TRIQK: variants seen among roughly 807,000 people sequenced by gnomAD.
The protein encoded by TRIQK is triple QxxK/R motif-containing protein.
TRIQK carries 10 observed loss-of-function variants against 10.8 expected under a neutral mutation model. The ratio of observed to expected loss-of-function variants is 0.92; its 90% CI spans 0.57 to 1.57. The LOEUF (loss-of-function observed/expected upper bound fraction) is 1.57, where lower values mean the gene tolerates loss of function less well. TRIQK is among the 40% of genes most tolerant of loss of function. The pLI is 0.00. For missense variants in TRIQK, 107 were observed against 97.7 expected (o/e 1.09, Z -0.40); for synonymous variants, 33 against 33.7 (o/e 0.98, Z 0.07).
chr8:92,946,275 CT>C (rs1480872740), intron 2 of TRIQK, among the ~76,000 whole-genome samples: 2 of 152,222 alleles, frequency 1.3e-5, no homozygotes, highest in East Asian at 3.9e-4. Context: ...ATCTCCCCCC[CT>C]AAATATGGAA....
At chr8:92,994,554 T>G (rs1200430918) in intron 1 of TRIQK, among the ~76,000 whole-genome samples, 2 of 152,094 alleles carry the variant, frequency 1.3e-5, no homozygotes, top group African/African-American at 2.4e-5. Flanking sequence ...TTTTTATGTA[T>G]GCTTACCACT....
chr8:92,991,774 T>C (rs1364207615), intron 1 of TRIQK, among the ~76,000 whole-genome samples: 1 of 152,130 alleles, frequency 6.6e-6, no homozygotes, highest in Non-Finnish European at 1.5e-5. Flanking sequence ...CAGCCCACAT[T>C]CTCCTTAAGC....
chr8:93,009,673 G>T (rs1375976080), intron 1 of TRIQK, among the ~76,000 whole-genome samples: 1 of 151,890 alleles, frequency 6.6e-6, no homozygotes, highest in Non-Finnish European at 1.5e-5. Context: ...CCTTACACAG[G>T]CTATTCAGAA....
chr8:92,886,978 G>T, intron 4 of TRIQK: 2 of 254,376 alleles, frequency 7.9e-6, no homozygotes, highest in Non-Finnish European at 7.4e-6. Context: ...TAGCTAATTT[G>T]TTTTTTCCTT....
At chr8:92,972,075 A>T (rs992276323) in intron 1 of TRIQK, among the ~76,000 whole-genome samples, 1 of 152,298 alleles carries the variant, frequency 6.6e-6, no homozygotes, top group East Asian at 1.9e-4. Context: ...TGATATTAAT[A>T]ATCTTAGATT....
At chr8:92,893,550 G>GA (rs1273983796) in intron 3 of TRIQK, among the ~76,000 whole-genome samples, 1 of 151,850 alleles carries the variant, frequency 6.6e-6, no homozygotes, top group African/African-American at 2.4e-5. Context: ...AAATACATGA[G>GA]AAAAATGTTA....
intron 1 of TRIQK, among the ~76,000 whole-genome samples, chr8:92,981,228 T>A (rs983040348): frequency 1.3e-5 from 2 of 151,866 alleles, no homozygotes; most frequent in African/African-American, 4.8e-5. Flanking sequence ...AGCCTGTTCG[T>A]GAGGTCTGTT....
chr8:93,015,463 T>C (rs1165762113), intron 1 of TRIQK, among the ~76,000 whole-genome samples: 2 of 151,642 alleles, frequency 1.3e-5, no homozygotes, highest in Non-Finnish European at 2.9e-5. Flanking sequence ...ATAAGCTTTT[T>C]TTTTTTTTTG....
Position 93,004,410 on chromosome 8 carries a change from C to T in TRIQK, c.-181+13199G>A, listed in dbSNP as rs189640059. ...AGAGCACAGCCTTGGGCTTGGCCCA[C>T]GAAACAATGTTTCCCTCCTAGGCCT... On this transcript the variant is annotated intron_variant, in intron 1 of 4. Coordinates refer to the TRIQK transcript ENST00000520686. 2.1e-4 allele frequency among the ~76,000 whole-genome samples: 32 copies of T among 152,314 alleles called. 2 individuals carry two copies. Among genetic ancestry groups the T allele is most frequent in the South Asian group, 1.7e-3 (8 of 4,824 alleles).
chr8:92,928,792 T>C (rs1277098459), intron 2 of TRIQK, among the ~76,000 whole-genome samples: 1 of 152,176 alleles, frequency 6.6e-6, no homozygotes, highest in African/African-American at 2.4e-5. Context: ...ACGTTTCTAA[T>C]GATCCCCTGA....
intron 2 of TRIQK, among the ~76,000 whole-genome samples, chr8:92,936,821 T>C (rs912827552): frequency 2.0e-5 from 3 of 151,692 alleles, no homozygotes; most frequent in African/African-American, 7.2e-5. Context: ...ATATATAAAG[T>C]TTATATATAA....
intron 1 of TRIQK, among the ~76,000 whole-genome samples, chr8:92,979,715 A>G (rs951593042): frequency 4.6e-5 from 7 of 152,074 alleles, no homozygotes; most frequent in African/African-American, 1.4e-4. Flanking sequence ...CTTAATGGCA[A>G]CTACTACATT....
chr8:92,977,924 C>G (rs1812949920), intron 1 of TRIQK, among the ~76,000 whole-genome samples: 2 of 152,134 alleles, frequency 1.3e-5, no homozygotes, highest in African/African-American at 4.8e-5. Context: ...AGCCATTGCT[C>G]TTGGAACTAT....
At chr8:92,985,004 AT>A (rs1813018891) in intron 1 of TRIQK, among the ~76,000 whole-genome samples, 1 of 152,176 alleles carries the variant, frequency 6.6e-6, no homozygotes, top group African/African-American at 2.4e-5. Context: ...TTAATGAAAA[AT>A]TTATCTTAGC....
intron 3 of TRIQK, among the ~76,000 whole-genome samples, chr8:92,911,902 CATAT>C (rs3061292): frequency 3.6e-5 from 5 of 140,534 alleles, no homozygotes; most frequent in African/African-American, 2.6e-5. Context: ...TGTGTGTAGA[CATAT>C]ATATATATAT....
At chr8:92,923,277 T>TA (rs1295411908) in intron 2 of TRIQK, among the ~76,000 whole-genome samples, 2 of 151,836 alleles carry the variant, frequency 1.3e-5, no homozygotes, top group South Asian at 2.1e-4. Flanking sequence ...CATTAGCACA[T>TA]ACAGCCGCAA....
chr8:92,967,821 CAAA>C (rs34531122), upstream of TRIQK, among the ~76,000 whole-genome samples: 1 of 82,374 alleles, frequency 1.2e-5, no homozygotes. Context: ...GACTCCATCT[CAAA>C]AAAAAAAAAA....
At chr8:92,935,178 T>G (rs1429341607) in intron 2 of TRIQK, among the ~76,000 whole-genome samples, 1 of 151,650 alleles carries the variant, frequency 6.6e-6, no homozygotes, top group Admixed American at 6.6e-5. Flanking sequence ...GTCGGCCTTT[T>G]TAAGAGTATT....
intron 1 of TRIQK, among the ~76,000 whole-genome samples, chr8:92,998,087 A>T (rs1364035384): frequency 6.6e-6 from 1 of 151,986 alleles, no homozygotes; most frequent in Non-Finnish European, 1.5e-5. Flanking sequence ...AAATGAAAAC[A>T]GTATAAATGC....
Sources: gnomAD v4.1 joint callset for allele counts (sites outside exome capture counted in the v4.1 genomes callset) on GRCh38, gnomAD v4.1.1 for gene constraint, MANE v1.5 for transcripts, NCBI Gene and HGNC (gene_info 2026-07-23, HGNC 2026-07-21) for gene names.